XKR4: variants seen among roughly 807,000 people sequenced by gnomAD.
The protein encoded by XKR4 is XK-related protein 4.
XKR4 carries 12 observed loss-of-function variants against 53.9 expected under a neutral mutation model. The observed-to-expected ratio is 0.22, with a 90% CI of 0.14 to 0.36. The LOEUF (loss-of-function observed/expected upper bound fraction) is 0.36. XKR4 is among the 10% of genes least tolerant of loss of function. The pLI is 1.00. For missense variants in XKR4, 799 were observed against 859.5 expected (o/e 0.93, Z 0.88); for synonymous variants, 354 against 362.4 (o/e 0.98, Z 0.26).
intron 1 of XKR4, among the ~76,000 whole-genome samples, chr8:55,315,064 T>C (rs577669608): frequency 5.9e-5 from 9 of 152,314 alleles, no homozygotes; most frequent in Admixed American, 5.2e-4. Context: ...TATACATGCA[T>C]TTCCTGAGTG....
chr8:55,131,190 C>T (rs1816550024), intron 1 of XKR4, among the ~76,000 whole-genome samples: 1 of 152,138 alleles, frequency 6.6e-6, no homozygotes, highest in South Asian at 2.1e-4. Flanking sequence ...ACAACAAATG[C>T]AGACTCTTGA....
chr8:55,152,635 A>T (rs753876523), intron 1 of XKR4, among the ~76,000 whole-genome samples: 12 of 150,954 alleles, frequency 7.9e-5, no homozygotes, highest in Non-Finnish European at 1.5e-4. Flanking sequence ...TACTCATCCA[A>T]ACAAAAAATG....
At position 55,537,347 on chromosome 8, in the gene XKR4, G is replaced by A. The variant is rs963377030; in HGVS notation, c.*13120G>A. 10 of 152,340 alleles carry A rather than the reference G, an allele frequency of 6.6e-5. No individual in the cohort carries two copies. Among genetic ancestry groups the A allele is most frequent in the Admixed American group, 1.3e-4 (2 of 15,302 alleles). 9.4% of individuals were successfully genotyped at this position (152,340 alleles called of 1,614,324 possible). On this transcript the variant is annotated 3_prime_UTR_variant, in exon 3 of 3. Transcript: ENST00000327381. ...TTGTGGACATTTCTTCATTGTGACT[G>A]TAGGAAGCTGAGCTTGTTTCTCCTA...
At chr8:55,321,822 C>T (rs771151781) in intron 1 of XKR4, among the ~76,000 whole-genome samples, 1 of 152,088 alleles carries the variant, frequency 6.6e-6, no homozygotes, top group Non-Finnish European at 1.5e-5. Context: ...AACCCCGTCT[C>T]TACTAAAAAT....
chr8:55,358,983 G>A (rs989729806), intron 2 of XKR4, among the ~76,000 whole-genome samples: 2 of 152,220 alleles, frequency 1.3e-5, no homozygotes, highest in Non-Finnish European at 2.9e-5. Flanking sequence ...GAGAAAATGT[G>A]TATTGGTAGC....
chr8:55,104,409 C>T (rs1180693360), intron 1 of XKR4, among the ~76,000 whole-genome samples: 3 of 152,156 alleles, frequency 2.0e-5, no homozygotes. Flanking sequence ...TGGGACTACA[C>T]TCTGTGGTAC....
At chr8:55,371,225 A>G (rs1245485744) in intron 2 of XKR4, among the ~76,000 whole-genome samples, 1 of 151,874 alleles carries the variant, frequency 6.6e-6, no homozygotes, top group Non-Finnish European at 1.5e-5. Flanking sequence ...CTTTGTCAGG[A>G]AAAATGATAT....
chr8:55,124,799 GAATTC>G (rs1181842598), intron 1 of XKR4, among the ~76,000 whole-genome samples: 1 of 151,986 alleles, frequency 6.6e-6, no homozygotes, highest in Non-Finnish European at 1.5e-5. Context: ...CTGCAACCTT[GAATTC>G]CTGGCCTCAA....
chr8:55,312,685 T>G (rs1389262518), intron 1 of XKR4, among the ~76,000 whole-genome samples: 3 of 152,258 alleles, frequency 2.0e-5, no homozygotes, highest in Non-Finnish European at 4.4e-5. Flanking sequence ...AGATCTTATT[T>G]AGAAGTATTC....
At chr8:55,255,378 C>G (rs4737985) in intron 1 of XKR4, among the ~76,000 whole-genome samples, 3,777 of 152,304 alleles carry the variant, frequency 0.025, 109 homozygotes, top group East Asian at 0.093. Context: ...TAGGTACTTA[C>G]TGTCTGCTAG....
intron 1 of XKR4, among the ~76,000 whole-genome samples, chr8:55,212,928 C>G (rs1348604352): frequency 6.6e-6 from 1 of 151,982 alleles, no homozygotes; most frequent in Non-Finnish European, 1.5e-5. Flanking sequence ...TATTGGAATA[C>G]CAACATAAAA....
intron 1 of XKR4, among the ~76,000 whole-genome samples, chr8:55,140,571 A>T (rs1051579635): frequency 1.3e-5 from 2 of 152,220 alleles, no homozygotes; most frequent in Non-Finnish European, 2.9e-5. Flanking sequence ...GTGGGCTAGA[A>T]AATGCATTGC....
chr8:55,103,865 A>G (rs865939995), intron 1 of XKR4, among the ~76,000 whole-genome samples: 1,439 of 126,920 alleles, frequency 0.011, 27 homozygotes, highest in African/African-American at 0.017. Flanking sequence ...ATATATATAT[A>G]TATATATATA....
At chr8:55,347,054 C>T (rs957592530) in intron 1 of XKR4, among the ~76,000 whole-genome samples, 1 of 152,142 alleles carries the variant, frequency 6.6e-6, no homozygotes, top group South Asian at 2.1e-4. Context: ...TGAAACATGA[C>T]TCACATACAT....
chr8:55,430,593 A>G (rs1341303374), intron 2 of XKR4, among the ~76,000 whole-genome samples: 1 of 152,126 alleles, frequency 6.6e-6, no homozygotes, highest in Non-Finnish European at 1.5e-5. Context: ...CAATATTAAT[A>G]CTCCAGCTGT....
At chr8:55,300,395 T>C (rs1237950199) in intron 1 of XKR4, among the ~76,000 whole-genome samples, 2 of 152,102 alleles carry the variant, frequency 1.3e-5, no homozygotes, top group Non-Finnish European at 1.5e-5. Flanking sequence ...CTTCAGAATT[T>C]CTTAAGTTTA....
rs574875793 is a variant in XKR4, at chr8:55,429,402, C to CA, written c.1006+71535dup. 5.3e-3 allele frequency among the ~76,000 whole-genome samples: 776 copies of CA among 145,712 alleles called. 4 individuals are homozygous for CA. The highest frequency in any genetic ancestry group is 7.9e-3 in the Non-Finnish European group (522 of 65,968). On this transcript the variant is annotated intron_variant, in intron 2 of 2. Transcript: ENST00000327381. ...TTCATAGCAAAAGCAAGGTTGATAA[C>CA]AAAAAAAAAAGAAAAGAAATATTGA...
intron 1 of XKR4, among the ~76,000 whole-genome samples, chr8:55,250,718 G>A (rs577165735): frequency 7.2e-4 from 109 of 152,128 alleles, no homozygotes; most frequent in Non-Finnish European, 1.6e-3. Context: ...TATTTGAAAT[G>A]GAAAAAAATG....
At chr8:55,135,401 T>C (rs78435240) in intron 1 of XKR4, 50,688 of 311,446 alleles carry the variant, frequency 0.16, 4,897 homozygotes, top group Middle Eastern at 0.29. Context: ...ATAGTAGATA[T>C]GCAATATATA....
Sources: gnomAD v4.1 joint callset for allele counts (sites outside exome capture counted in the v4.1 genomes callset) on GRCh38, gnomAD v4.1.1 for gene constraint, MANE v1.5 for transcripts, NCBI Gene and HGNC (gene_info 2026-07-23, HGNC 2026-07-21) for gene names.